The following PCLO variants were observed in gnomAD, a reference collection of about 807,000 sequenced individuals.
PCLO encodes the protein piccolo presynaptic cytomatrix protein.
A neutral mutation model predicts 427.5 loss-of-function variants in PCLO; 82 were observed. The ratio of observed to expected loss-of-function variants is 0.19; its 90% CI spans 0.16 to 0.23. PCLO has a LOEUF of 0.23. Among genes scored for constraint, PCLO ranks in the 10% least tolerant of loss-of-function variants. The probability of loss-of-function intolerance (pLI) is 1.00; values close to 1 mark genes in which losing one functional copy is unlikely to be tolerated. For synonymous variants in PCLO, 2,357 were observed against 2,155.4 expected (o/e 1.09, Z -2.59); for missense variants, 6,239 against 6,115.9 (o/e 1.02, Z -0.67).
chr7:82,874,245 G>C lies in PCLO; in HGVS notation c.13654+5092C>G, dbSNP rs187004668. Among the ~76,000 whole-genome samples, 660 of 151,698 alleles carry C rather than the reference G, an allele frequency of 4.4e-3. 1 individual carries two copies. Among genetic ancestry groups the C allele is most frequent in the African/African-American group, 0.015 (631 of 41,350 alleles). ...TGCTACTGGCATTGTGCTGGACACA[G>C]TATAAAGGAAAAAAAACTGACAAGG... On this transcript the variant is annotated intron_variant, in intron 10 of 24. Transcript: ENST00000333891.
intron 3 of PCLO, among the ~76,000 whole-genome samples, chr7:83,058,003 G>A (rs1416859279): frequency 1.3e-5 from 2 of 152,112 alleles, no homozygotes; most frequent in African/African-American, 4.8e-5. Context: ...AATAGAATAT[G>A]GGCAGTTTGG....
At position 82,955,617 on chromosome 7, in the gene PCLO, A is replaced by G. The variant is rs1351435472; in HGVS notation, c.5336T>C (p.Leu1779Ser). ...CTTTAATAATTCTTCTTCCTCTCTC[A>G]ATTCTTCTTCCTCTGAAGAATCTTC... is the stretch of plus-strand genomic sequence containing the variant. ...TIEDSSEEEELREEEELLKEQ... is the reference protein window; with the variant it reads ...TIEDSSEEEESREEEELLKEQ... The change falls in exon 5 of 25, where the codon TTG becomes TCG. Residue 1779 changes from leucine to serine, a missense_variant. Coordinates refer to ENST00000333891, the MANE Select transcript of PCLO (RefSeq NM_033026.6). The G allele has an allele frequency of 1.2e-6, 2 of 1,613,658 alleles. No individual in the cohort carries two copies. The highest frequency in any genetic ancestry group is 2.7e-5 in the African/African-American group (2 of 74,862).
chr7:83,158,080 T>C (rs530938139), intron 1 of PCLO, among the ~76,000 whole-genome samples: 78 of 152,060 alleles, frequency 5.1e-4, no homozygotes, highest in Middle Eastern at 3.4e-3. Flanking sequence ...GAAAAGAAAA[T>C]AATCTATAAA....
At chr7:82,847,307 T>C (rs2115820135) in intron 10 of PCLO, 60 bp from the exon 11 acceptor site, 2 of 913,046 alleles carry the variant, frequency 2.2e-6, no homozygotes, top group East Asian at 5.2e-5. Context: ...TGGGTACATA[T>C]GGCATTGAAG....
In PCLO at chr7:82,952,870, A is replaced by G. The variant is rs1325934599; in HGVS notation, c.8083T>C (p.Ser2695Pro). ...AGAGGCTCTGGAGGAATTGTTATGG[A>G]AATGCTGCTGAGACCAACACTAGGA... ...TAPSVGLSSI[S>P]ITIPPEPLAL... The change falls in exon 5 of 25, where the codon TCC (serine) becomes CCC (proline). Residue 2695 changes from serine to proline, a missense_variant. By Grantham distance (74) the Ser-to-Pro change is moderately conservative (BLOSUM62 -1). Transcript: ENST00000333891. 2.5e-6 allele frequency: 4 copies of G among 1,613,906 alleles called. No homozygotes were observed. The South Asian group carries it at 4.4e-5, about 18-fold the overall frequency.
chr7:82,987,611 G>C (rs2115817830), intron 3 of PCLO, among the ~76,000 whole-genome samples: 1 of 151,932 alleles, frequency 6.6e-6, no homozygotes, highest in East Asian at 1.9e-4. Context: ...AAGTTATGTA[G>C]CCAAACATAC....
At chr7:83,111,923 C>T (rs555396414) in intron 3 of PCLO, among the ~76,000 whole-genome samples, 2 of 152,124 alleles carry the variant, frequency 1.3e-5, no homozygotes, top group Non-Finnish European at 2.9e-5. Flanking sequence ...TTTAAACATA[C>T]AAATGATATG....
At chr7:82,910,926 T>C (rs1368869714) in intron 7 of PCLO, among the ~76,000 whole-genome samples, 1 of 152,276 alleles carries the variant, frequency 6.6e-6, no homozygotes, top group East Asian at 1.9e-4. Context: ...TCTTACTTCT[T>C]ACCGGATTTT....
At chr7:83,035,895 A>G (rs753109228) in intron 3 of PCLO, among the ~76,000 whole-genome samples, 6 of 152,140 alleles carry the variant, frequency 3.9e-5, no homozygotes, top group Non-Finnish European at 8.8e-5. Flanking sequence ...TTATTACACT[A>G]CATTAGAGAG....
At chr7:82,920,735 T>G (rs1052921129) in intron 6 of PCLO, among the ~76,000 whole-genome samples, 7 of 151,738 alleles carry the variant, frequency 4.6e-5, no homozygotes, top group African/African-American at 2.4e-5. Context: ...GGAATATTAA[T>G]GAAAATAATA....
chr7:83,079,062 T>C (rs145482088), intron 3 of PCLO, among the ~76,000 whole-genome samples: 1 of 152,202 alleles, frequency 6.6e-6, no homozygotes, highest in East Asian at 1.9e-4. Flanking sequence ...TTATAATAAA[T>C]AACATTCCAA....
At chr7:82,913,868 C>T (rs1316807015) in intron 7 of PCLO, among the ~76,000 whole-genome samples, 2 of 151,692 alleles carry the variant, frequency 1.3e-5, no homozygotes, top group African/African-American at 2.4e-5. Flanking sequence ...TGGGATGATA[C>T]AAAAAACAAA....
At chr7:83,024,058 A>G (rs1258034389) in intron 3 of PCLO, among the ~76,000 whole-genome samples, 10 of 152,198 alleles carry the variant, frequency 6.6e-5, no homozygotes, top group Admixed American at 3.9e-4. Flanking sequence ...CTAGGTGCTA[A>G]TGATACATAC....
intron 10 of PCLO, among the ~76,000 whole-genome samples, chr7:82,864,889 CA>C (rs1379011932): frequency 6.6e-6 from 1 of 152,050 alleles, no homozygotes; most frequent in Non-Finnish European, 1.5e-5. Flanking sequence ...AAAATATTGT[CA>C]TGATGAAAAA....
intron 6 of PCLO, among the ~76,000 whole-genome samples, chr7:82,935,765 C>A (rs1716503156): frequency 6.6e-6 from 1 of 151,542 alleles, no homozygotes; most frequent in African/African-American, 2.4e-5. Flanking sequence ...AATTAAGATT[C>A]TATGCCACGA....
At chr7:82,787,918 A>G (rs889199669) in intron 22 of PCLO, among the ~76,000 whole-genome samples, 1 of 152,132 alleles carries the variant, frequency 6.6e-6, no homozygotes, top group Non-Finnish European at 1.5e-5. Flanking sequence ...AAACACTTGA[A>G]GAAAAAGCTG....
rs1267110815 is a variant in PCLO, at chr7:83,016,217, T to C, written c.3301-49730A>G. ...TAGCAGTGATGCCAAAATCAGGAAA[T>C]GTCAAAATAAAATTGAATAATGCAC... On this transcript the variant is annotated intron_variant, in intron 3 of 24. Coordinates refer to ENST00000333891, the MANE Select transcript of PCLO (RefSeq NM_033026.6). 2.0e-5 allele frequency among the ~76,000 whole-genome samples: 3 copies of C among 151,726 alleles called. No homozygotes were observed. The East Asian group carries it at 5.8e-4, about 29-fold the overall frequency.
chr7:82,969,183 T>TA (rs1055091723), intron 3 of PCLO, among the ~76,000 whole-genome samples: 5 of 152,196 alleles, frequency 3.3e-5, no homozygotes, highest in African/African-American at 1.2e-4. Context: ...CAAGGTAGTA[T>TA]ACTCATTATT....
At position 82,880,997 on chromosome 7, in the gene PCLO, T is replaced by C. The variant is rs564325977; in HGVS notation, c.13529-1535A>G. ...TCTATTTGAATATCTTTAAAAATAG[T>C]TTTTCTTTTCCCAGCAAGTCCATAT... On this transcript the variant is annotated intron_variant, in intron 9 of 24. Transcript: ENST00000333891. Among the ~76,000 whole-genome samples, 10 of 152,244 alleles carry C rather than the reference T, an allele frequency of 6.6e-5. No homozygotes were observed. In the South Asian group the frequency reaches 2.1e-3, roughly 32 times the overall value.
Sources: allele counts gnomAD v4.1 joint callset (sites outside exome capture counted in the v4.1 genomes callset), GRCh38; gene constraint gnomAD v4.1.1; transcripts MANE v1.5; gene names NCBI Gene and HGNC (gene_info 2026-07-23, HGNC 2026-07-21).